Variants in LINGO2 observed in about 807,000 individuals in gnomAD.
The protein encoded by LINGO2 is leucine-rich repeat and immunoglobulin-like domain-containing nogo receptor-interacting protein 2.
Under a neutral mutation model 30.6 loss-of-function variants are expected in LINGO2, and 14 were observed. The ratio of observed to expected loss-of-function variants is 0.46; its 90% CI spans 0.30 to 0.72. LINGO2 has a LOEUF of 0.72. LINGO2 is among the 30% of genes least tolerant of loss of function. LINGO2 has a pLI of 0.07. For synonymous variants in LINGO2, 317 were observed against 288.5 expected, an observed-to-expected ratio of 1.10 and a Z score of -1.00; for missense variants, 729 against 751.7, an observed-to-expected ratio of 0.97 and a Z score of 0.35.
At position 28,290,689 on chromosome 9, in the gene LINGO2, G is replaced by A. The variant is rs563460168; in HGVS notation, c.-87+4519C>T. 1.6e-4 allele frequency among the ~76,000 whole-genome samples: 24 copies of A among 152,306 alleles called. 1 individual carries two copies. The South Asian group carries it at 5.0e-3, about 32-fold the overall frequency. On this transcript the variant is annotated intron_variant, in intron 4 of 5. Transcript: ENST00000379992. The stretch of plus-strand genomic sequence containing the variant: ...GGAGGGGCAAGGAAGCAATCATGAG[G>A]AGTGAAGGGCCTGGCATCTCATTGT...
chr9:29,144,146 T>C, the LINGO2 span, among the ~76,000 whole-genome samples: 6 of 152,188 alleles, frequency 3.9e-5, no homozygotes, highest in Non-Finnish European at 8.8e-5. Flanking sequence ...CTTTTACCAG[T>C]ACCGTGCTGT....
intron 1 of LINGO2, among the ~76,000 whole-genome samples, chr9:28,505,695 A>T (rs1587771796): frequency 6.6e-6 from 1 of 151,946 alleles, no homozygotes. Context: ...AACAACTGCT[A>T]CATTTACCAA....
At chr9:28,724,078 A>C in the LINGO2 span, among the ~76,000 whole-genome samples, 1 of 152,134 alleles carries the variant, frequency 6.6e-6, no homozygotes, top group Non-Finnish European at 1.5e-5. Flanking sequence ...GGCTAACTTC[A>C]CCCCTTTAAG....
upstream of LINGO2, among the ~76,000 whole-genome samples, chr9:28,672,741 T>C (rs897043661): frequency 6.6e-5 from 10 of 152,282 alleles, no homozygotes; most frequent in Middle Eastern, 6.8e-3. Context: ...ATTTTAGCAT[T>C]ACAATGGAGA....
Position 28,072,980 on chromosome 9 carries a change from G to A in LINGO2, c.-86-60575C>T, listed in dbSNP as rs375253233. On this transcript the variant is annotated intron_variant, in intron 4 of 5. Coordinates refer to ENST00000379992, the Ensembl canonical transcript of LINGO2. ...GTGTTCATGGACTGGTTTGATATCC[G>A]CTTAAGCTCCCTTGGTCTTCGGCTT... Among the ~76,000 whole-genome samples the A allele has an allele frequency of 5.9e-4, 89 of 152,032 alleles. 1 individual carries two copies. In the South Asian group the frequency reaches 0.017, roughly 29 times the overall value.
chr9:28,886,138 C>G, the LINGO2 span, among the ~76,000 whole-genome samples: 1 of 152,076 alleles, frequency 6.6e-6, no homozygotes, highest in Non-Finnish European at 1.5e-5. Flanking sequence ...ACTAAATCAA[C>G]GAGTTATGTT....
At chr9:28,403,414 C>A (rs1822353997) in intron 2 of LINGO2, among the ~76,000 whole-genome samples, 1 of 152,142 alleles carries the variant, frequency 6.6e-6, no homozygotes, top group Non-Finnish European at 1.5e-5. Context: ...CATGGCTACA[C>A]CTTCTCTTCA....
At chr9:29,206,183 T>C in the LINGO2 span, among the ~76,000 whole-genome samples, 1 of 152,230 alleles carries the variant, frequency 6.6e-6, no homozygotes, top group South Asian at 2.1e-4. Context: ...GTCATTCAAG[T>C]TGTCTATTTC....
the LINGO2 span, among the ~76,000 whole-genome samples, chr9:28,721,260 A>G: frequency 6.6e-5 from 10 of 152,146 alleles, no homozygotes; most frequent in Non-Finnish European, 1.5e-4. Context: ...GCAATTCCTC[A>G]AGGATCTAGA....
At chr9:27,964,468 T>G (rs898437237) in intron 5 of LINGO2, among the ~76,000 whole-genome samples, 3 of 152,046 alleles carry the variant, frequency 2.0e-5, no homozygotes, top group Non-Finnish European at 4.4e-5. Flanking sequence ...ATAAAGACAA[T>G]GTGAGATTCT....
At chr9:28,202,139 TTATAA>T (rs1457949676) in intron 4 of LINGO2, among the ~76,000 whole-genome samples, 1 of 152,208 alleles carries the variant, frequency 6.6e-6, no homozygotes, top group Non-Finnish European at 1.5e-5. Flanking sequence ...ACCAGTCATA[TTATAA>T]TACAGTCCTC....
intron 4 of LINGO2, among the ~76,000 whole-genome samples, chr9:28,215,507 G>T (rs556145857): frequency 1.8e-4 from 28 of 151,898 alleles, no homozygotes; most frequent in Non-Finnish European, 7.4e-5. Flanking sequence ...AGCATTCATT[G>T]TGGTGCTTAA....
chr9:28,639,335 T>C lies in LINGO2; in HGVS notation c.-365+30865A>G, dbSNP rs560054217. ...GAGAGTTCTGTAGATGTCTATTAGG[T>C]GCGCTTGGTGTAGAGCTGAGTTCAA... is the stretch of plus-strand genomic sequence containing the variant. On this transcript the variant is annotated intron_variant, in intron 1 of 5. Transcript: ENST00000379992. 1.7e-4 allele frequency among the ~76,000 whole-genome samples: 26 copies of C among 152,304 alleles called. No individual in the cohort carries two copies. The East Asian group carries it at 2.5e-3, about 15-fold the overall frequency.
the LINGO2 span, among the ~76,000 whole-genome samples, chr9:29,058,213 A>C: frequency 6.6e-6 from 1 of 152,116 alleles, no homozygotes; most frequent in Admixed American, 6.6e-5. Context: ...GAAACACAGA[A>C]ACAAAATAGA....
At chr9:28,556,379 G>T (rs1201365653) in intron 1 of LINGO2, among the ~76,000 whole-genome samples, 1 of 152,022 alleles carries the variant, frequency 6.6e-6, no homozygotes, top group East Asian at 1.9e-4. Flanking sequence ...CAAATCATTA[G>T]TGAACTCCCA....
At chr9:28,390,765 T>G (rs965128956) in intron 2 of LINGO2, among the ~76,000 whole-genome samples, 1 of 152,198 alleles carries the variant, frequency 6.6e-6, no homozygotes, top group Non-Finnish European at 1.5e-5. Flanking sequence ...CAAAGCAATT[T>G]GGTTTCTTCA....
the LINGO2 span, among the ~76,000 whole-genome samples, chr9:29,142,202 GTTTCTT>G: frequency 6.6e-5 from 10 of 151,746 alleles, no homozygotes; most frequent in Non-Finnish European, 1.3e-4. Context: ...ATCATACCAA[GTTTCTT>G]TTTCAAATAC....
chr9:28,726,216 A>C, the LINGO2 span, among the ~76,000 whole-genome samples: 8 of 152,094 alleles, frequency 5.3e-5, no homozygotes, highest in South Asian at 1.2e-3. Flanking sequence ...AGTCAATTTG[A>C]ATATCTCATT....
exon 6 of LINGO2, chr9:27,949,018 A>G: frequency 6.2e-7 from 1 of 1,614,134 alleles, no homozygotes; most frequent in Non-Finnish European, 8.5e-7. Context: ...ACTCCCAGGA[A>G]TGTGAAGCAG....
Sources: allele counts gnomAD v4.1 joint callset (sites outside exome capture counted in the v4.1 genomes callset), GRCh38; gene constraint gnomAD v4.1.1; transcripts MANE v1.5; gene names NCBI Gene and HGNC (gene_info 2026-07-23, HGNC 2026-07-21).